RYR2: variants seen among roughly 807,000 people sequenced by gnomAD.
RYR2 encodes the protein ryanodine receptor 2.
A neutral mutation model predicts 601.1 loss-of-function variants in RYR2; 227 were observed. The observed-to-expected ratio is 0.38, with a 90% CI of 0.34 to 0.42. The LOEUF is 0.42. RYR2 is among the 10% of genes least tolerant of loss of function. The probability of loss-of-function intolerance (pLI) is 1.00; values close to 1 mark genes in which losing one functional copy is unlikely to be tolerated. For synonymous variants in RYR2, 2,223 were observed against 2,175.1 expected (o/e 1.02, Z -0.61); for missense variants, 4,646 against 6,156.5 (o/e 0.75, Z 8.21).
intron 1 of RYR2, among the ~76,000 whole-genome samples, chr1:237,233,460 T>C (rs1168536989): frequency 6.6e-6 from 1 of 152,154 alleles, no homozygotes; most frequent in African/African-American, 2.4e-5. Flanking sequence ...TAGCTTTTTT[T>C]TTCTTCTTGA....
At chr1:237,374,654 C>T (rs947091504) in intron 6 of RYR2, 63 bp from the exon 7 acceptor site, 5 of 1,392,822 alleles carry the variant, frequency 3.6e-6, no homozygotes, top group Non-Finnish European at 5.0e-6. Context: ...GCAACCTTGT[C>T]TCAAACACAA....
chr1:237,246,305 A>C (rs1042729675), intron 1 of RYR2, among the ~76,000 whole-genome samples: 8 of 149,460 alleles, frequency 5.4e-5, no homozygotes, highest in African/African-American at 1.5e-4. Flanking sequence ...CATGTTTACC[A>C]GGCTGGTCTC....
chr1:237,323,375 G>T (rs1695818843), intron 2 of RYR2, among the ~76,000 whole-genome samples: 1 of 152,108 alleles, frequency 6.6e-6, no homozygotes, highest in Non-Finnish European at 1.5e-5. Flanking sequence ...CAAAGTTCCA[G>T]GTAATTGTAT....
intron 1 of RYR2, among the ~76,000 whole-genome samples, chr1:237,102,663 C>A (rs1450452155): frequency 1.3e-5 from 2 of 152,084 alleles, no homozygotes; most frequent in Non-Finnish European, 2.9e-5. Context: ...CGAGACCAGC[C>A]TGGCCAACAT....
At chr1:237,672,174 G>T (rs1014398688) in intron 58 of RYR2, among the ~76,000 whole-genome samples, 1 of 152,172 alleles carries the variant, frequency 6.6e-6, no homozygotes, top group Non-Finnish European at 1.5e-5. Context: ...AGATCCCTTC[G>T]CCATCTAGTT....
At chr1:237,644,110 G>A (rs1211089265) in intron 48 of RYR2, among the ~76,000 whole-genome samples, 1 of 152,064 alleles carries the variant, frequency 6.6e-6, no homozygotes, top group African/African-American at 2.4e-5. Flanking sequence ...CCTTAGTTAT[G>A]CATTTTGATA....
chr1:237,226,802 T>G (rs1449244885), intron 1 of RYR2, among the ~76,000 whole-genome samples: 1 of 152,132 alleles, frequency 6.6e-6, no homozygotes, highest in African/African-American at 2.4e-5. Context: ...ACAGTCTCAC[T>G]CTGTCACCCA....
chr1:237,352,872 G>A, intron 3 of RYR2: 1 of 515,400 alleles, frequency 1.9e-6, no homozygotes, highest in South Asian at 1.4e-5. Context: ...ATACAAGGGT[G>A]GGTGAGGAGA....
At chr1:237,187,512 C>T (rs917041582) in intron 1 of RYR2, among the ~76,000 whole-genome samples, 1 of 137,792 alleles carries the variant, frequency 7.3e-6, no homozygotes, top group African/African-American at 2.7e-5. Flanking sequence ...GGCATGGTCA[C>T]AGCTCACTAC....
At chr1:237,416,763 C>CAGAGAGAG (rs60010171) in intron 10 of RYR2, among the ~76,000 whole-genome samples, 1 of 147,284 alleles carries the variant, frequency 6.8e-6, no homozygotes. Context: ...CACACACACA[C>CAGAGAGAG]AGAGAGAGAG....
At chr1:237,049,900 T>G (rs567773883) in intron 1 of RYR2, among the ~76,000 whole-genome samples, 2 of 152,170 alleles carry the variant, frequency 1.3e-5, no homozygotes, top group Non-Finnish European at 2.9e-5. Context: ...CTGGCTTCCA[T>G]AGTTACCTTC....
In RYR2 at chr1:237,822,736, A is replaced by T. The variant is rs1309332660; in HGVS notation, c.14590+3544A>T. Among the ~76,000 whole-genome samples, 8 of 152,226 alleles carry T rather than the reference A, an allele frequency of 5.3e-5. No homozygotes were observed. In the East Asian group the frequency reaches 1.3e-3, roughly 26 times the overall value. On this transcript the variant is annotated intron_variant, in intron 101 of 104. Coordinates refer to ENST00000366574, the MANE Select transcript of RYR2 (RefSeq NM_001035.3). ...CCAAATTAAAAGACACAGACTGGCA[A>T]ATTGGATAAAGAGTCAAGACCCATT...
rs771045857 is a variant in RYR2, at chr1:237,565,157, CTCTTTCTTTCTTTCTTTCTT to C, written c.3215-1360_3215-1341del. On this transcript the variant is annotated intron_variant, in intron 27 of 104. Coordinates refer to ENST00000366574, the MANE Select transcript of RYR2 (RefSeq NM_001035.3). ...TTTCTTTCTTTTTCTTTCTTTCTTTCTCTTTCTTTCTTTCTTTCTTTCTTTCTTTCTTTCTTTCTTTCTTT... is the reference window on the plus strand; with the variant it reads ...TTTCTTTCTTTTTCTTTCTTTCTTTCTCTTTCTTTCTTTCTTTCTTTCTTT... Among the ~76,000 whole-genome samples the C allele has an allele frequency of 7.5e-3, 394 of 52,852 alleles. 2 individuals are homozygous for C. The highest frequency in any genetic ancestry group is 0.015 in the African/African-American group (310 of 20,748). 34.7% of individuals were successfully genotyped at this position (52,852 alleles called of 152,430 possible).
intron 1 of RYR2, among the ~76,000 whole-genome samples, chr1:237,213,864 A>G (rs1211616421): frequency 6.8e-6 from 1 of 147,404 alleles, no homozygotes; most frequent in Admixed American, 6.7e-5. Context: ...TTTTTTCCCC[A>G]AGTTGTTAGC....
intron 11 of RYR2, among the ~76,000 whole-genome samples, chr1:237,421,481 C>T (rs985019634): frequency 4.6e-5 from 7 of 152,092 alleles, no homozygotes; most frequent in Non-Finnish European, 1.0e-4. Context: ...AATTAATTGT[C>T]TTTATAAACA....
Position 237,330,901 on chromosome 1 carries a change from C to T in RYR2, c.192C>T (p.Ile64=). The part of the protein sequence containing the change: ...NSKNVPPDLS[I]CTFVLEQSLS... ...AGAATGTGCCCCCAGACCTCTCCAT[C>T]TGCACCTTTGTGCTGGAGCAGTCCC... Residue 64 remains isoleucine, a synonymous_variant, in exon 3 of 105, where the codon ATC becomes ATT. Transcript: ENST00000366574. 6.2e-7 allele frequency: 1 copy of T among 1,614,012 alleles called. No individual in the cohort carries two copies. The highest frequency in any genetic ancestry group is 8.5e-7 in the Non-Finnish European group (1 of 1,179,876).
chr1:237,628,172 T>C (rs962947848), intron 41 of RYR2, 92 bp downstream of exon 41: 10 of 1,362,776 alleles, frequency 7.3e-6, no homozygotes, highest in African/African-American at 1.5e-5. Flanking sequence ...TTGATAAAAA[T>C]ATATTGTCTG....
intron 41 of RYR2, among the ~76,000 whole-genome samples, chr1:237,628,632 G>T (rs750445324): frequency 6.6e-6 from 1 of 151,900 alleles, no homozygotes; most frequent in South Asian, 2.1e-4. Context: ...AAGTTAGAAA[G>T]TTGCTCAGTA....
chr1:237,275,735 A>T (rs957308934), intron 2 of RYR2, among the ~76,000 whole-genome samples: 5 of 152,216 alleles, frequency 3.3e-5, no homozygotes, highest in African/African-American at 1.2e-4. Context: ...AAAATAGAAT[A>T]TACCTTTCTT....
Sources: allele counts gnomAD v4.1 joint callset (sites outside exome capture counted in the v4.1 genomes callset), GRCh38; gene constraint gnomAD v4.1.1; transcripts MANE v1.5; gene names NCBI Gene and HGNC (gene_info 2026-07-23, HGNC 2026-07-21).